ERO1A: variants seen among roughly 807,000 people sequenced by gnomAD.
ERO1A encodes ERO1-like protein alpha.
A neutral mutation model predicts 76.9 loss-of-function variants in ERO1A; 49 were observed. That is an observed-to-expected ratio of 0.64 (90% CI 0.51 to 0.81). ERO1A has a LOEUF of 0.81. Ranked by LOEUF, ERO1A falls within the 30% of genes least tolerant of loss-of-function variation. The pLI is 0.00. For missense variants in ERO1A, 448 were observed against 542.1 expected (o/e 0.83, Z 1.72); for synonymous variants, 174 against 181.2 (o/e 0.96, Z 0.32).
At chr14:52,672,052 C>G (rs920623578) in intron 4 of ERO1A, 181 bp from the exon 5 acceptor site, 4 of 493,054 alleles carry the variant, frequency 8.1e-6, no homozygotes, top group African/African-American at 6.0e-5. Context: ...CGCCTATAAT[C>G]CCGGCACTGT....
At chr14:52,664,882 G>A (rs901159037) in intron 7 of ERO1A, among the ~76,000 whole-genome samples, 2 of 151,844 alleles carry the variant, frequency 1.3e-5, no homozygotes, top group African/African-American at 2.4e-5. Context: ...TAGTAGAGAC[G>A]GGGTTTCACC....
At chr14:52,688,713 T>C (rs1241169260) in intron 1 of ERO1A, among the ~76,000 whole-genome samples, 1 of 152,184 alleles carries the variant, frequency 6.6e-6, no homozygotes, top group Non-Finnish European at 1.5e-5. Context: ...AACAGTTAGC[T>C]GTGGAGGGAG....
At chr14:52,672,912 T>C (rs1034873628) in intron 4 of ERO1A, among the ~76,000 whole-genome samples, 1 of 151,966 alleles carries the variant, frequency 6.6e-6, no homozygotes, top group African/African-American at 2.4e-5. Flanking sequence ...CAGAGTTCTA[T>C]CAAGAAGATA....
intron 13 of ERO1A, 68 bp from the exon 14 acceptor site, chr14:52,646,529 A>G (rs2039662775): frequency 1.6e-6 from 2 of 1,252,136 alleles, no homozygotes; most frequent in Middle Eastern, 2.7e-4. Flanking sequence ...TTTTCTGAGC[A>G]GGTTCTATGT....
At chr14:52,645,656 T>C (rs148252198) in intron 15 of ERO1A, among the ~76,000 whole-genome samples, 240 of 152,228 alleles carry the variant, frequency 1.6e-3, no homozygotes, top group African/African-American at 5.6e-3. Context: ...TATGTCTACA[T>C]ACTGGAGGTA....
intron 1 of ERO1A, among the ~76,000 whole-genome samples, chr14:52,691,491 C>G (rs2041353121): frequency 2.0e-5 from 3 of 152,170 alleles, no homozygotes; most frequent in Admixed American, 1.3e-4. Context: ...TTTCAAAGAT[C>G]CCTCTGACTA....
intron 4 of ERO1A, among the ~76,000 whole-genome samples, chr14:52,673,492 T>C (rs2040679346): frequency 2.0e-5 from 3 of 152,304 alleles, no homozygotes; most frequent in East Asian, 1.9e-4. Flanking sequence ...TTAGAACAAA[T>C]TGCAATAAAA....
At chr14:52,647,977 G>C (rs780780543) in intron 13 of ERO1A, among the ~76,000 whole-genome samples, 9 of 152,106 alleles carry the variant, frequency 5.9e-5, no homozygotes, top group Non-Finnish European at 1.2e-4. Context: ...CTATTCAAAG[G>C]AAACCTCAAT....
At chr14:52,689,044 C>G (rs567302813) in intron 1 of ERO1A, among the ~76,000 whole-genome samples, 1 of 152,128 alleles carries the variant, frequency 6.6e-6, no homozygotes, top group African/African-American at 2.4e-5. Flanking sequence ...CAACCTCTGC[C>G]TCCCAGGTGC....
chr14:52,671,161 T>C (rs1487518202), intron 6 of ERO1A, among the ~76,000 whole-genome samples: 2 of 152,240 alleles, frequency 1.3e-5, no homozygotes, highest in African/African-American at 4.8e-5. Context: ...TGTTGTAGTA[T>C]GTACCAGAAC....
chr14:52,680,549 G>C (rs2040959658), intron 3 of ERO1A, among the ~76,000 whole-genome samples: 1 of 152,080 alleles, frequency 6.6e-6, no homozygotes, highest in Non-Finnish European at 1.5e-5. Context: ...CTCATTTAAT[G>C]AACAAGTATA....
At chr14:52,662,543 A>G (rs2040263830) in intron 8 of ERO1A, among the ~76,000 whole-genome samples, 2 of 152,248 alleles carry the variant, frequency 1.3e-5, no homozygotes, top group African/African-American at 2.4e-5. Flanking sequence ...CAGTAAGCAC[A>G]TATTTGAAGA....
Position 52,684,817 on chromosome 14 carries a change from A to G in ERO1A, c.115-910T>C, listed in dbSNP as rs567972741. 4.1e-5 allele frequency among the ~76,000 whole-genome samples: 6 copies of G among 146,066 alleles called. No homozygotes were observed. In the South Asian group the frequency reaches 1.1e-3, roughly 26 times the overall value. The stretch of plus-strand genomic sequence containing the variant: ...TAGAATTCTTTTTTTTTCTTTTTTC[A>G]CCAGTGTTACTTGCCAAATTAAACT... On this transcript the variant is annotated intron_variant, in intron 1 of 15. Coordinates refer to ENST00000395686, the MANE Select transcript of ERO1A (RefSeq NM_014584.3).
At chr14:52,645,881 C>T (rs868486724) in intron 15 of ERO1A, among the ~76,000 whole-genome samples, 2 of 104,116 alleles carry the variant, frequency 1.9e-5, no homozygotes, top group Non-Finnish European at 4.1e-5. Context: ...CACACACACA[C>T]ACAAATTAGC....
rs769514008 is a variant in ERO1A, at chr14:52,683,857, T to G, written c.165A>C (p.Arg55Ser). 2.5e-6 allele frequency: 4 copies of G among 1,587,400 alleles called. No individual in the cohort carries two copies. In the East Asian group the frequency reaches 9.0e-5, roughly 36 times the overall value. The part of the protein sequence containing the change: ...DCTCDVETID[R>S]FNNYRLFPRL... ...TTGGGAAAAGCCTGTAGTTATTAAA[T>G]CTATCAATGGTTTCAACATCACAGG... is the stretch of plus-strand genomic sequence containing the variant. The change falls in exon 2 of 16, where the codon AGA becomes AGC. Residue 55 changes from arginine to serine, a missense_variant. Arg to Ser is a moderately radical substitution (Grantham distance 110). Around this residue, in one of 2 missense-constraint regions of ERO1A, gnomAD observed 146 missense variants for 130.2 expected, o/e 1.12. Coordinates refer to ENST00000395686, the MANE Select transcript of ERO1A (RefSeq NM_014584.3).
intron 4 of ERO1A, among the ~76,000 whole-genome samples, chr14:52,675,944 C>G (rs1465774557): frequency 6.6e-6 from 1 of 152,326 alleles, no homozygotes; most frequent in African/African-American, 2.4e-5. Context: ...CTCACCCTCC[C>G]AAAGTGCTGG....
intron 8 of ERO1A, among the ~76,000 whole-genome samples, chr14:52,662,103 A>G (rs2040251943): frequency 1.3e-5 from 2 of 152,160 alleles, no homozygotes; most frequent in Admixed American, 6.5e-5. Flanking sequence ...ATAAAAATTT[A>G]CAGCAATATT....
Position 52,643,422 on chromosome 14 carries a change from T to C in ERO1A, c.*148A>G. The C allele has an allele frequency of 2.0e-6, 1 of 505,392 alleles. No homozygotes were observed. The highest frequency in any genetic ancestry group is 4.2e-5 in the Admixed American group (1 of 23,828). The allele number at this position is 505,392 out of a possible 1,614,324, so 31.3% of individuals were successfully genotyped here. On this transcript the variant is annotated 3_prime_UTR_variant, in exon 16 of 16. Transcript: ENST00000395686. Reference sequence around the variant, plus strand: ...ACTTAACACAATTTTTAAAAATGTGTTTACTTAAAACAATATAATTCTCCT... The same window carrying C: ...ACTTAACACAATTTTTAAAAATGTGCTTACTTAAAACAATATAATTCTCCT...
At chr14:52,693,660 CTTTT>C (rs1168899238) in intron 1 of ERO1A, among the ~76,000 whole-genome samples, 2 of 151,786 alleles carry the variant, frequency 1.3e-5, no homozygotes, top group East Asian at 3.9e-4. Context: ...CAGCTTTTTT[CTTTT>C]TTTAATTTTT....
Sources: allele counts gnomAD v4.1 joint callset (sites outside exome capture counted in the v4.1 genomes callset), GRCh38; gene constraint gnomAD v4.1.1; regional missense constraint gnomAD v4.1.1; transcripts MANE v1.5; gene names NCBI Gene and HGNC (gene_info 2026-07-23, HGNC 2026-07-21).